Variants in LAMA3 observed in about 807,000 individuals in gnomAD.
LAMA3 encodes laminin subunit alpha-3.
A neutral mutation model predicts 402.0 loss-of-function variants in LAMA3; 281 were observed. That is an observed-to-expected ratio of 0.70 (90% CI 0.63 to 0.77). The LOEUF (loss-of-function observed/expected upper bound fraction) is 0.77. Among genes scored for constraint, LAMA3 ranks in the 30% least tolerant of loss-of-function variants. LAMA3 has a pLI of 0.00. For missense variants in LAMA3, 3,840 were observed against 4,215.5 expected, an observed-to-expected ratio of 0.91 and a Z score of 2.47; for synonymous variants, 1,431 against 1,558.4, an observed-to-expected ratio of 0.92 and a Z score of 1.93.
chr18:23,932,685 C>T (rs2082197290), intron 66 of LAMA3: 1 of 203,546 alleles, frequency 4.9e-6, no homozygotes, highest in Non-Finnish European at 1.0e-5. Flanking sequence ...ACCAAATCAC[C>T]ACAATGTTGA....
chr18:23,863,325 G>C (rs188981288), intron 35 of LAMA3, among the ~76,000 whole-genome samples: 1 of 152,174 alleles, frequency 6.6e-6, no homozygotes, highest in Non-Finnish European at 1.5e-5. Context: ...GGCGCCTGTA[G>C]TCCCAGCTAC....
In LAMA3 at chr18:23,825,148, G is replaced by A. The variant is rs574256005; in HGVS notation, c.2571+583G>A. ...TGCTTTCTTCTGTGTTAAACCTAAAGCAGGTTTATTCCCACCAAACAGATT... is the reference window on the plus strand; with the variant it reads ...TGCTTTCTTCTGTGTTAAACCTAAAACAGGTTTATTCCCACCAAACAGATT... On this transcript the variant is annotated intron_variant, in intron 21 of 74. Transcript: ENST00000313654. Among the ~76,000 whole-genome samples the A allele has an allele frequency of 1.1e-4, 16 of 152,342 alleles. No individual in the cohort carries two copies. The South Asian group carries it at 3.3e-3, about 32-fold the overall frequency.
rs1463083108 is a variant in LAMA3, at chr18:23,931,374, C to A, written c.8576+173C>A. Reference sequence around the variant, plus strand: ...ATCAATTTCTTCATAAAAAAATAAACTGCCACACATGGTGGCTCATGTCTG... The same window carrying A: ...ATCAATTTCTTCATAAAAAAATAAAATGCCACACATGGTGGCTCATGTCTG... On this transcript the variant is annotated intron_variant, in intron 65 of 74. Coordinates refer to ENST00000313654, the MANE Select transcript of LAMA3 (RefSeq NM_198129.4). 5 of 643,394 alleles carry A rather than the reference C, an allele frequency of 7.8e-6. No homozygotes were observed. In the East Asian group the frequency reaches 1.4e-4, roughly 18 times the overall value. 39.9% of individuals were successfully genotyped at this position (643,394 alleles called of 1,614,324 possible). A position where few individuals can be genotyped will look rare whatever the true frequency, so the allele number is the denominator to read the frequency against.
intron 41 of LAMA3, 89 bp from the exon 42 acceptor site, chr18:23,889,922 C>G: frequency 1.0e-6 from 1 of 974,130 alleles, no homozygotes; most frequent in Non-Finnish European, 1.7e-6. Flanking sequence ...GTTACAATAT[C>G]CCAAACAGAG....
At chr18:23,870,982 TA>T (rs1403078872) in intron 37 of LAMA3, among the ~76,000 whole-genome samples, 1 of 152,210 alleles carries the variant, frequency 6.6e-6, no homozygotes, top group Non-Finnish European at 1.5e-5. Flanking sequence ...GTGTGTTTTT[TA>T]CCACAATAAC....
intron 3 of LAMA3, among the ~76,000 whole-genome samples, chr18:23,748,473 G>C (rs78588763): frequency 0.015 from 2,213 of 151,392 alleles, 59 homozygotes; most frequent in African/African-American, 0.051. Context: ...ACTAGTTAGG[G>C]ACTGGTCACT....
chr18:23,881,897 T>C, intron 39 of LAMA3, 39 bp from the exon 40 acceptor site: 1 of 1,281,404 alleles, frequency 7.8e-7, no homozygotes, highest in South Asian at 1.2e-5. Flanking sequence ...GTAGGGACTG[T>C]ACTGGCTGCT....
At chr18:23,804,370 G>T (rs2062922671) in intron 12 of LAMA3, among the ~76,000 whole-genome samples, 1 of 152,166 alleles carries the variant, frequency 6.6e-6, no homozygotes, top group Non-Finnish European at 1.5e-5. Context: ...GCCTTCCCTT[G>T]TTCTGGGACT....
chr18:23,703,246 G>A (rs564486906), intron 1 of LAMA3, among the ~76,000 whole-genome samples: 81 of 152,290 alleles, frequency 5.3e-4, no homozygotes, highest in Non-Finnish European at 9.6e-4. Context: ...TGGTTCCAAT[G>A]GTGGTATGAT....
At chr18:23,911,912 G>T in intron 55 of LAMA3, among the ~76,000 whole-genome samples, 1 of 142,920 alleles carries the variant, frequency 7.0e-6, no homozygotes, top group East Asian at 2.0e-4. Flanking sequence ...AATTATATAT[G>T]CATTTTAATA....
Position 23,895,067 on chromosome 18 carries a change from C to T in LAMA3, c.5613+9C>T. ...AGGCCAAGGACCTGAGGGTAAATCCCCTGCGGCCGAGAGTAGACACGTGGG... is the reference window on the plus strand; with the variant it reads ...AGGCCAAGGACCTGAGGGTAAATCCTCTGCGGCCGAGAGTAGACACGTGGG... On this transcript the variant is annotated intron_variant, in intron 44 of 74. Transcript: ENST00000313654. The T allele has an allele frequency of 6.3e-7, 1 of 1,585,442 alleles. No homozygotes were observed. Among genetic ancestry groups the T allele is most frequent in the Non-Finnish European group, 8.6e-7 (1 of 1,166,094 alleles).
At chr18:23,848,438 G>T (rs2063871467) in intron 32 of LAMA3, among the ~76,000 whole-genome samples, 1 of 152,168 alleles carries the variant, frequency 6.6e-6, no homozygotes, top group South Asian at 2.1e-4. Flanking sequence ...GGGCTGCAGG[G>T]GCCAGAGAAA....
At chr18:23,801,516 G>A (rs922959826) in intron 12 of LAMA3, among the ~76,000 whole-genome samples, 5 of 152,156 alleles carry the variant, frequency 3.3e-5, no homozygotes, top group Admixed American at 1.3e-4. Flanking sequence ...GGGGGCACAG[G>A]TGTCCCTTTC....
At chr18:23,951,654 A>G (rs766943560) in intron 72 of LAMA3, 30 bp from the exon 73 acceptor site, 2 of 1,591,236 alleles carry the variant, frequency 1.3e-6, no homozygotes, top group East Asian at 2.2e-5. Flanking sequence ...GCCTTCCTGA[A>G]GGAAATAGGA....
At chr18:23,712,311 G>A (rs1024049679) in intron 1 of LAMA3, among the ~76,000 whole-genome samples, 8 of 151,382 alleles carry the variant, frequency 5.3e-5, no homozygotes, top group Admixed American at 1.3e-4. Flanking sequence ...ACCTGGGGGC[G>A]GAGGTTGCGG....
chr18:23,948,512 A>C lies in LAMA3; in HGVS notation c.9352-1253A>C, dbSNP rs531558572. Among the ~76,000 whole-genome samples the C allele has an allele frequency of 5.9e-5, 9 of 152,180 alleles. 1 individual carries two copies. The South Asian group carries it at 1.9e-3, about 32-fold the overall frequency. On this transcript the variant is annotated intron_variant, in intron 70 of 74. Coordinates refer to ENST00000313654, the MANE Select transcript of LAMA3 (RefSeq NM_198129.4). ...TAAAAGTTTCATAGGGAATCCAATCAGTAGTTTACTGTTGATGCTGGCACC... is the reference window on the plus strand; with the variant it reads ...TAAAAGTTTCATAGGGAATCCAATCCGTAGTTTACTGTTGATGCTGGCACC...
chr18:23,817,547 A>G (rs1478042623), intron 18 of LAMA3, among the ~76,000 whole-genome samples: 1 of 152,024 alleles, frequency 6.6e-6, no homozygotes, highest in Admixed American at 6.5e-5. Flanking sequence ...CCCGATCCCT[A>G]TAAAAAAAAA....
At chr18:23,698,967 AG>A (rs1337212313) in intron 1 of LAMA3, among the ~76,000 whole-genome samples, 1 of 151,806 alleles carries the variant, frequency 6.6e-6, no homozygotes, top group Non-Finnish European at 1.5e-5. Flanking sequence ...GATGATGGCC[AG>A]GGTGCGGTGG....
intron 65 of LAMA3, 37 bp from the exon 66 acceptor site, chr18:23,932,123 C>A (rs1400764421): frequency 2.0e-5 from 33 of 1,612,464 alleles, no homozygotes; most frequent in Middle Eastern, 1.8e-4. Flanking sequence ...TTTTTTCCAG[C>A]AGTTCTCACC....
Sources: allele counts gnomAD v4.1 joint callset (sites outside exome capture counted in the v4.1 genomes callset), GRCh38; gene constraint gnomAD v4.1.1; transcripts MANE v1.5; gene names NCBI Gene and HGNC (gene_info 2026-07-23, HGNC 2026-07-21).